PTPRD: variants seen among roughly 807,000 people sequenced by gnomAD.
PTPRD encodes the protein receptor-type tyrosine-protein phosphatase delta.
PTPRD carries 34 observed loss-of-function variants against 214.5 expected under a neutral mutation model. That is an observed-to-expected ratio of 0.16 (90% CI 0.12 to 0.21). PTPRD has a LOEUF of 0.21. Among genes scored for constraint, PTPRD ranks in the 10% least tolerant of loss-of-function variants. The pLI is 1.00. For missense variants in PTPRD, 2,545 were observed against 2,398.7 expected (o/e 1.06, Z -1.27); for synonymous variants, 1,128 against 845.7 (o/e 1.33, Z -5.79).
chr9:8,326,249 T>C (rs1369722851), intron 44 of PTPRD, among the ~76,000 whole-genome samples: 2 of 152,316 alleles, frequency 1.3e-5, no homozygotes, highest in South Asian at 4.1e-4. Flanking sequence ...GTTCCATCAG[T>C]ACCTAGTTTT....
At chr9:8,373,360 A>G (rs1272073660) in intron 39 of PTPRD, among the ~76,000 whole-genome samples, 1 of 151,990 alleles carries the variant, frequency 6.6e-6, no homozygotes, top group Non-Finnish European at 1.5e-5. Flanking sequence ...CCTATGGGTA[A>G]TTATTTCACA....
intron 26 of PTPRD, among the ~76,000 whole-genome samples, chr9:8,496,875 G>C (rs905673683): frequency 6.6e-6 from 1 of 152,184 alleles, no homozygotes; most frequent in Non-Finnish European, 1.5e-5. Context: ...GTTAATGTTA[G>C]TGTATTTTAT....
chr9:9,241,149 T>C (rs940964458), intron 9 of PTPRD, among the ~76,000 whole-genome samples: 1 of 152,194 alleles, frequency 6.6e-6, no homozygotes, highest in Non-Finnish European at 1.5e-5. Flanking sequence ...TTTTTATGAT[T>C]ACTTATTTGA....
intron 35 of PTPRD, among the ~76,000 whole-genome samples, chr9:8,421,593 G>C (rs935183509): frequency 6.6e-6 from 1 of 152,100 alleles, no homozygotes; most frequent in African/African-American, 2.4e-5. Flanking sequence ...TATACACAGT[G>C]ACAGGCACCT....
intron 8 of PTPRD, among the ~76,000 whole-genome samples, chr9:9,493,152 T>C (rs1460112182): frequency 6.6e-6 from 1 of 151,924 alleles, no homozygotes; most frequent in African/African-American, 2.4e-5. Context: ...TAAAGAGCTA[T>C]AGAAGCCAAT....
intron 9 of PTPRD, among the ~76,000 whole-genome samples, chr9:9,202,868 T>C (rs1300942485): frequency 6.6e-6 from 1 of 152,190 alleles, no homozygotes; most frequent in Non-Finnish European, 1.5e-5. Context: ...TGTTCTTTAG[T>C]CCGCCTCTTA....
At chr9:9,234,849 C>A (rs1455003856) in intron 9 of PTPRD, among the ~76,000 whole-genome samples, 6 of 152,298 alleles carry the variant, frequency 3.9e-5, no homozygotes, top group African/African-American at 1.4e-4. Context: ...CTAGGAAGTT[C>A]CAGACTTTCC....
At chr9:9,657,199 G>T (rs2096535106) in intron 7 of PTPRD, among the ~76,000 whole-genome samples, 1 of 151,748 alleles carries the variant, frequency 6.6e-6, no homozygotes, top group Non-Finnish European at 1.5e-5. Flanking sequence ...ATGAAATAAA[G>T]TTTATAAATT....
At chr9:8,724,903 A>C (rs1269883976) in intron 12 of PTPRD, among the ~76,000 whole-genome samples, 1 of 152,150 alleles carries the variant, frequency 6.6e-6, no homozygotes, top group Non-Finnish European at 1.5e-5. Flanking sequence ...GCGTCACTGC[A>C]CTCCAGCCTG....
intron 14 of PTPRD, among the ~76,000 whole-genome samples, chr9:8,586,383 C>T (rs1029936039): frequency 6.6e-6 from 1 of 152,060 alleles, no homozygotes; most frequent in Non-Finnish European, 1.5e-5. Context: ...AAGTCTTCAC[C>T]AGCTCATATT....
chr9:8,715,388 G>A (rs1471910979), intron 12 of PTPRD, among the ~76,000 whole-genome samples: 1 of 152,120 alleles, frequency 6.6e-6, no homozygotes, highest in Non-Finnish European at 1.5e-5. Context: ...GACCCTACCT[G>A]TTCCCATCTT....
intron 35 of PTPRD, among the ~76,000 whole-genome samples, chr9:8,422,487 G>C (rs886197757): frequency 2.0e-5 from 3 of 152,108 alleles, no homozygotes; most frequent in African/African-American, 7.2e-5. Context: ...CATAATGTTA[G>C]ATGTAAACTT....
intron 12 of PTPRD, among the ~76,000 whole-genome samples, chr9:8,705,343 C>T (rs2098182914): frequency 6.6e-6 from 1 of 152,136 alleles, no homozygotes; most frequent in East Asian, 1.9e-4. Context: ...CCTCAGCCTC[C>T]CGAGTAGCTG....
intron 2 of PTPRD, among the ~76,000 whole-genome samples, chr9:10,446,398 T>C (rs966870211): frequency 6.6e-6 from 1 of 150,710 alleles, no homozygotes; most frequent in African/African-American, 2.4e-5. Flanking sequence ...GCTTAACTTT[T>C]TATTAAAACT....
At chr9:8,542,360 G>A (rs576065045) in intron 14 of PTPRD, among the ~76,000 whole-genome samples, 1 of 152,170 alleles carries the variant, frequency 6.6e-6, no homozygotes, top group Non-Finnish European at 1.5e-5. Context: ...GGATAGTACC[G>A]AGATAGCCCT....
At chr9:8,406,380 G>A (rs1036911942) in intron 35 of PTPRD, among the ~76,000 whole-genome samples, 1 of 151,986 alleles carries the variant, frequency 6.6e-6, no homozygotes, top group Non-Finnish European at 1.5e-5. Flanking sequence ...TCCTACATCC[G>A]GAACATTGGT....
At chr9:8,832,167 G>C (rs926339178) in intron 11 of PTPRD, among the ~76,000 whole-genome samples, 2 of 151,532 alleles carry the variant, frequency 1.3e-5, no homozygotes, top group African/African-American at 2.4e-5. Context: ...TGACTACCAA[G>C]ACAGTACCTA....
chr9:9,978,699 T>G (rs1295283477), intron 4 of PTPRD, among the ~76,000 whole-genome samples: 2 of 151,664 alleles, frequency 1.3e-5, no homozygotes, highest in African/African-American at 4.8e-5. Context: ...ACTGAGAATT[T>G]TAGAAAATTA....
At chr9:8,552,092 C>A (rs145606884) in intron 14 of PTPRD, among the ~76,000 whole-genome samples, 2 of 152,102 alleles carry the variant, frequency 1.3e-5, no homozygotes, top group South Asian at 4.1e-4. Flanking sequence ...AGGCCTGTGA[C>A]CATCACCTTG....
Sources: gnomAD v4.1 joint callset for allele counts (sites outside exome capture counted in the v4.1 genomes callset) on GRCh38, gnomAD v4.1.1 for gene constraint, MANE v1.5 for transcripts, NCBI Gene and HGNC (gene_info 2026-07-23, HGNC 2026-07-21) for gene names.